Variants in LIN7A observed in about 807,000 individuals in gnomAD.
The protein encoded by LIN7A is protein lin-7 homolog A.
LIN7A carries 25 observed loss-of-function variants against 29.8 expected under a neutral mutation model. The observed-to-expected ratio is 0.84, with a 90% CI of 0.61 to 1.17. LIN7A has a LOEUF of 1.17. Among genes scored for constraint, LIN7A ranks in the 50% most tolerant of loss-of-function variants. LIN7A has a pLI of 0.00. For missense variants in LIN7A, 239 were observed against 287.0 expected (o/e 0.83, Z 1.21); for synonymous variants, 118 against 107.5 (o/e 1.10, Z -0.60).
chr12:80,827,974 A>G lies in LIN7A; in HGVS notation c.484-16291T>C, dbSNP rs571075611. ...ATTCCTGCCAGAATTTTGTATGACT[A>G]GCTTCTTCACATAAAGTTCTCAGCT... is the stretch of plus-strand genomic sequence containing the variant. On this transcript the variant is annotated intron_variant, in intron 4 of 5. Transcript: ENST00000552864. Among the ~76,000 whole-genome samples the G allele has an allele frequency of 7.1e-4, 108 of 152,228 alleles. 1 individual carries two copies. The highest frequency in any genetic ancestry group is 2.0e-3 in the African/African-American group (83 of 41,524).
At chr12:80,807,068 T>TTTTTTTTTTTTTTTG (rs1871037853) in intron 5 of LIN7A, among the ~76,000 whole-genome samples, 1 of 84,996 alleles carries the variant, frequency 1.2e-5, no homozygotes, top group Non-Finnish European at 2.2e-5. Context: ...ATGGAGTTTT[T>TTTTTTTTTTTTTTTG]TTTTTTTTTT....
intron 2 of LIN7A, among the ~76,000 whole-genome samples, chr12:80,876,114 CAGAG>C (rs375792708): frequency 6.6e-6 from 1 of 150,974 alleles, no homozygotes; most frequent in South Asian, 2.1e-4. Context: ...GACAGAGAGA[CAGAG>C]AGAGAGAGTG....
chr12:80,825,947 A>G (rs1592866418), intron 4 of LIN7A, among the ~76,000 whole-genome samples: 1 of 152,232 alleles, frequency 6.6e-6, no homozygotes, highest in African/African-American at 2.4e-5. Flanking sequence ...AAATCTGGGC[A>G]GAAGTTGTCT....
chr12:80,928,615 G>T (rs1877730291), intron 1 of LIN7A, among the ~76,000 whole-genome samples: 1 of 152,004 alleles, frequency 6.6e-6, no homozygotes, highest in African/African-American at 2.4e-5. Flanking sequence ...TGGGTAGATT[G>T]CAAAAATTTT....
intron 4 of LIN7A, among the ~76,000 whole-genome samples, chr12:80,833,793 CT>C (rs1450580915): frequency 2.0e-5 from 3 of 152,134 alleles, no homozygotes; most frequent in South Asian, 2.1e-4. Context: ...TAAAATGCTT[CT>C]TATTATATAT....
chr12:80,934,911 A>G (rs1878125060), intron 1 of LIN7A, among the ~76,000 whole-genome samples: 1 of 152,012 alleles, frequency 6.6e-6, no homozygotes, highest in Non-Finnish European at 1.5e-5. Flanking sequence ...GTTAAACATC[A>G]CAGTTTTAGT....
chr12:80,883,715 G>A (rs555932606), intron 2 of LIN7A, among the ~76,000 whole-genome samples: 7 of 152,226 alleles, frequency 4.6e-5, no homozygotes, highest in Non-Finnish European at 1.0e-4. Context: ...CAAGACTGGT[G>A]GTATTAGTCC....
At chr12:80,807,071 T>TTTGTTTTTTTTTTTTTG (rs1555221346) in intron 5 of LIN7A, among the ~76,000 whole-genome samples, 2 of 111,868 alleles carry the variant, frequency 1.8e-5, no homozygotes, top group African/African-American at 4.2e-5. Flanking sequence ...GAGTTTTTTT[T>TTTGTTTTTTTTTTTTTG]TTTTTTTTTT....
intron 5 of LIN7A, among the ~76,000 whole-genome samples, chr12:80,808,310 G>C (rs544502972): frequency 2.6e-5 from 4 of 151,948 alleles, no homozygotes; most frequent in African/African-American, 9.7e-5. Context: ...TTTTTACTCT[G>C]CAAAGTACTG....
At chr12:80,820,947 G>A (rs1592861887) in intron 4 of LIN7A, among the ~76,000 whole-genome samples, 1 of 152,138 alleles carries the variant, frequency 6.6e-6, no homozygotes, top group Admixed American at 6.6e-5. Context: ...TAAGCAGAGT[G>A]TTGTGACCGC....
intron 1 of LIN7A, among the ~76,000 whole-genome samples, chr12:80,895,105 A>T (rs1042182880): frequency 3.3e-5 from 5 of 152,192 alleles, no homozygotes; most frequent in Non-Finnish European, 7.3e-5. Context: ...AGCTTGGGTA[A>T]ACAGTTATAA....
chr12:80,820,644 C>CAT (rs1294269246), intron 4 of LIN7A, among the ~76,000 whole-genome samples: 3 of 151,934 alleles, frequency 2.0e-5, no homozygotes, highest in Non-Finnish European at 2.9e-5. Flanking sequence ...CACACACACA[C>CAT]ACACACACAC....
chr12:80,841,452 C>A (rs1449602518), intron 4 of LIN7A, among the ~76,000 whole-genome samples: 1 of 152,006 alleles, frequency 6.6e-6, no homozygotes. Flanking sequence ...CTGGACCAAT[C>A]TCTTTCTGTG....
chr12:80,813,286 C>T (rs975888192), intron 4 of LIN7A, among the ~76,000 whole-genome samples: 5 of 152,228 alleles, frequency 3.3e-5, no homozygotes, highest in Non-Finnish European at 7.3e-5. Flanking sequence ...GCTGGGATTA[C>T]AGGCGTAAGC....
chr12:80,807,063 G>GTTTTTTTTTTTTTTTTTTTTTTTTTTTTT (rs71094991), intron 5 of LIN7A, among the ~76,000 whole-genome samples: 1 of 53,590 alleles, frequency 1.9e-5, no homozygotes, highest in African/African-American at 8.7e-5. Context: ...TGAAGATGGA[G>GTTTTTTTTTTTTTTTTTTTTTTTTTTTTT]TTTTTTTTTT....
intron 5 of LIN7A, among the ~76,000 whole-genome samples, chr12:80,810,472 C>T (rs1483118814): frequency 1.3e-5 from 2 of 151,008 alleles, no homozygotes. Context: ...ATACTTACCA[C>T]ATTTAAAAAA....
chr12:80,933,322 T>G (rs1222985531), intron 1 of LIN7A, among the ~76,000 whole-genome samples: 1 of 152,204 alleles, frequency 6.6e-6, no homozygotes, highest in Non-Finnish European at 1.5e-5. Flanking sequence ...TTTGATCATT[T>G]TCTTGGTTAT....
At chr12:80,882,673 T>C (rs1484647999) in intron 2 of LIN7A, among the ~76,000 whole-genome samples, 3 of 152,218 alleles carry the variant, frequency 2.0e-5, no homozygotes, top group Admixed American at 1.3e-4. Context: ...TCAATGACAA[T>C]GGTGATTCTT....
rs972868088 is a variant in LIN7A, at chr12:80,905,751, G to T, written c.83-16382C>A. On this transcript the variant is annotated intron_variant, in intron 1 of 5. Transcript: ENST00000552864. ...TATCACTCTTTCACATTTAATTTTGGCTTGAATTCTATTTTGACTGATATT... is the reference window on the plus strand; with the variant it reads ...TATCACTCTTTCACATTTAATTTTGTCTTGAATTCTATTTTGACTGATATT... Among the ~76,000 whole-genome samples, 6 of 151,916 alleles carry T rather than the reference G, an allele frequency of 3.9e-5. No individual in the cohort carries two copies. The South Asian group carries it at 1.2e-3, about 32-fold the overall frequency.
Sources: gnomAD v4.1 joint callset for allele counts (sites outside exome capture counted in the v4.1 genomes callset) on GRCh38, gnomAD v4.1.1 for gene constraint, MANE v1.5 for transcripts, NCBI Gene and HGNC (gene_info 2026-07-23, HGNC 2026-07-21) for gene names.